The following EYS variants were observed in gnomAD, a reference collection of about 807,000 sequenced individuals.
EYS encodes the protein EGF-like photoreceptor maintenance factor, also known as protein eyes shut homolog.
In EYS, 250 loss-of-function variants were observed where a neutral mutation model predicts 282.1. The ratio of observed to expected loss-of-function variants is 0.89; its 90% confidence interval spans 0.80 to 0.98. The LOEUF is 0.98. EYS is among the 50% of genes least tolerant of loss of function. EYS has a pLI of 0.00. For synonymous variants in EYS, 1,355 were observed against 1,282.9 expected, an observed-to-expected ratio of 1.06 and a Z score of -1.20; for missense variants, 4,016 against 3,709.0, an observed-to-expected ratio of 1.08 and a Z score of -2.15.
intron 13 of EYS, among the ~76,000 whole-genome samples, chr6:65,039,465 T>C (rs917249014): frequency 6.6e-6 from 1 of 151,536 alleles, no homozygotes; most frequent in Non-Finnish European, 1.5e-5. Context: ...TTGGCCATTA[T>C]ATGTTTATAC....
chr6:65,356,246 C>T (rs1431685151), intron 8 of EYS, among the ~76,000 whole-genome samples: 1 of 151,984 alleles, frequency 6.6e-6, no homozygotes, highest in African/African-American at 2.4e-5. Context: ...CGAATTAAGT[C>T]CTGTCTAAGG....
At chr6:65,067,362 G>T (rs902114262) in intron 12 of EYS, among the ~76,000 whole-genome samples, 1 of 151,602 alleles carries the variant, frequency 6.6e-6, no homozygotes, top group Admixed American at 6.6e-5. Flanking sequence ...AAACAGTAAA[G>T]GATAAAAAAA....
At chr6:64,125,998 A>G (rs760920255) in intron 31 of EYS, among the ~76,000 whole-genome samples, 2 of 151,500 alleles carry the variant, frequency 1.3e-5, no homozygotes, top group Non-Finnish European at 2.9e-5. Flanking sequence ...TACATGTGCC[A>G]TGTTGCACAA....
At chr6:65,390,437 A>T (rs1765979360) in intron 7 of EYS, among the ~76,000 whole-genome samples, 1 of 151,786 alleles carries the variant, frequency 6.6e-6, no homozygotes, top group Non-Finnish European at 1.5e-5. Context: ...GAGAAGGGAA[A>T]AAATGGTTTG....
chr6:64,192,482 G>C (rs889433865), intron 31 of EYS, among the ~76,000 whole-genome samples: 1 of 152,046 alleles, frequency 6.6e-6, no homozygotes, highest in Non-Finnish European at 1.5e-5. Flanking sequence ...TCAAAACAGA[G>C]ATATAGATCA....
At chr6:63,946,136 C>G (rs1370093686) in intron 35 of EYS, among the ~76,000 whole-genome samples, 2 of 152,168 alleles carry the variant, frequency 1.3e-5, no homozygotes, top group African/African-American at 4.8e-5. Context: ...CGTACCCATC[C>G]AAGGTTTCAA....
chr6:65,092,579 A>G (rs1774605625), intron 12 of EYS, among the ~76,000 whole-genome samples: 1 of 152,202 alleles, frequency 6.6e-6, no homozygotes, highest in African/African-American at 2.4e-5. Flanking sequence ...ATAACTGTTT[A>G]GCTCTTTAAT....
chr6:64,627,717 A>G (rs1449361965), intron 22 of EYS, among the ~76,000 whole-genome samples: 2 of 152,210 alleles, frequency 1.3e-5, no homozygotes, highest in Non-Finnish European at 2.9e-5. Flanking sequence ...TAGACCGTCC[A>G]GAATGTTAGT....
At chr6:64,331,994 C>T (rs1464894088) in intron 29 of EYS, among the ~76,000 whole-genome samples, 1 of 152,196 alleles carries the variant, frequency 6.6e-6, no homozygotes, top group Non-Finnish European at 1.5e-5. Context: ...ACATTAGGAT[C>T]AGACAGTGGC....
At chr6:65,476,336 T>C (rs1461438395) in intron 5 of EYS, among the ~76,000 whole-genome samples, 1 of 152,144 alleles carries the variant, frequency 6.6e-6, no homozygotes, top group Non-Finnish European at 1.5e-5. Context: ...TAAAATCTAA[T>C]GCATAAAGGA....
chr6:65,335,157 G>A lies in EYS; in HGVS notation c.1600-11C>T, dbSNP rs755371579. On this transcript the variant is annotated splice_polypyrimidine_tract_variant and intron_variant, in intron 10 of 42. Transcript: ENST00000503581. ...TCCATTTGCACAAATCTATAGCAACGAAAGAAGTAAAAATGTTATGAATTC... is the reference window on the plus strand; with the variant it reads ...TCCATTTGCACAAATCTATAGCAACAAAAGAAGTAAAAATGTTATGAATTC... 1.1e-5 allele frequency: 18 copies of A among 1,579,408 alleles called. No homozygotes were observed. Among genetic ancestry groups the A allele is most frequent in the African/African-American group, 2.7e-5 (2 of 74,080 alleles).
chr6:65,095,453 A>AT (rs1774712461), intron 12 of EYS, among the ~76,000 whole-genome samples: 1 of 151,114 alleles, frequency 6.6e-6, no homozygotes, highest in Non-Finnish European at 1.5e-5. Context: ...AAAAAAAAAA[A>AT]GTTAAGTACA....
chr6:64,477,803 G>C (rs909802137), intron 26 of EYS, among the ~76,000 whole-genome samples: 2 of 151,480 alleles, frequency 1.3e-5, no homozygotes, highest in Admixed American at 1.3e-4. Flanking sequence ...AAAAATACGT[G>C]GTTTGAAAAA....
intron 33 of EYS, among the ~76,000 whole-genome samples, chr6:64,060,671 A>G (rs1194990579): frequency 6.6e-6 from 1 of 152,186 alleles, no homozygotes; most frequent in African/African-American, 2.4e-5. Flanking sequence ...TACATATATA[A>G]TATGTATGAG....
chr6:64,177,235 T>C (rs949975826), intron 31 of EYS, among the ~76,000 whole-genome samples: 2 of 151,632 alleles, frequency 1.3e-5, no homozygotes, highest in African/African-American at 4.8e-5. Flanking sequence ...CATCCATTTT[T>C]TTCTCCTTTT....
At chr6:64,401,512 T>G (rs1018627353) in intron 28 of EYS, among the ~76,000 whole-genome samples, 9 of 152,192 alleles carry the variant, frequency 5.9e-5, no homozygotes, top group Middle Eastern at 3.4e-3. Context: ...CTTAGATTTT[T>G]GATGAAGACA....
chr6:64,538,895 G>A (rs746516764), intron 26 of EYS, among the ~76,000 whole-genome samples: 5 of 152,134 alleles, frequency 3.3e-5, no homozygotes, highest in African/African-American at 4.8e-5. Context: ...TACTCCACCA[G>A]GAATAACATA....
At chr6:65,464,411 TGATAA>T (rs1290484803) in intron 5 of EYS, among the ~76,000 whole-genome samples, 7 of 152,184 alleles carry the variant, frequency 4.6e-5, no homozygotes, top group Non-Finnish European at 8.8e-5. Context: ...TTGTAGTGCA[TGATAA>T]GATATCTCCC....
chr6:64,413,837 G>A (rs938180967), intron 28 of EYS, among the ~76,000 whole-genome samples: 1 of 152,104 alleles, frequency 6.6e-6, no homozygotes, highest in Admixed American at 6.6e-5. Flanking sequence ...CCAAGTTGAT[G>A]GTATTAGGAT....
Sources: gnomAD v4.1 joint callset for allele counts (sites outside exome capture counted in the v4.1 genomes callset) on GRCh38, gnomAD v4.1.1 for gene constraint, MANE v1.5 for transcripts, NCBI Gene and HGNC (gene_info 2026-07-23, HGNC 2026-07-21) for gene names.